POLR3D: variants seen among roughly 807,000 people sequenced by gnomAD.
POLR3D encodes the protein RNA polymerase III subunit D.
A neutral mutation model predicts 44.5 loss-of-function variants in POLR3D; 42 were observed. That is an observed-to-expected ratio of 0.94 (90% CI 0.74 to 1.22). The LOEUF is 1.22. POLR3D is among the 50% of genes most tolerant of loss of function. The probability of loss-of-function intolerance (pLI) is 0.00; values close to 1 mark genes in which losing one functional copy is unlikely to be tolerated. For missense variants in POLR3D, 507 were observed against 505.2 expected (o/e 1.00, Z -0.03); for synonymous variants, 217 against 198.1 (o/e 1.10, Z -0.80).
At chr8:22,248,385 G>T in intron 5 of POLR3D, 96 bp from the exon 6 acceptor site, 1 of 1,571,446 alleles carries the variant, frequency 6.4e-7, no homozygotes, top group South Asian at 1.2e-5. Context: ...TGGAATCCTG[G>T]GGAGCAGCGG....
chr8:22,249,941 C>T, intron 7 of POLR3D, 134 bp from the exon 8 acceptor site: 1 of 868,270 alleles, frequency 1.2e-6, no homozygotes, highest in Non-Finnish European at 1.8e-6. Flanking sequence ...AGCAGACAGC[C>T]CTAGGAGAAG....
intron 7 of POLR3D, 113 bp from the exon 8 acceptor site, chr8:22,249,962 G>A (rs1378509971): frequency 1.7e-6 from 2 of 1,177,418 alleles, no homozygotes; most frequent in South Asian, 1.4e-5. Flanking sequence ...GCACTCTTTG[G>A]GGAGCTCATT....
At chr8:22,249,969 C>G in intron 7 of POLR3D, 106 bp from the exon 8 acceptor site, 2 of 1,287,016 alleles carry the variant, frequency 1.6e-6, no homozygotes, top group Non-Finnish European at 2.2e-6. Context: ...TTGGGGAGCT[C>G]ATTTTGACCT....
chr8:22,250,045 C>A, intron 7 of POLR3D, 30 bp from the exon 8 acceptor site: 1 of 1,612,566 alleles, frequency 6.2e-7, no homozygotes, highest in Non-Finnish European at 8.5e-7. Context: ...AGCTCCTAGC[C>A]CAGTGTCCAT....
rs1464512563 is a variant in POLR3D, at chr8:22,249,169, A to G, written c.781A>G (p.Thr261Ala). Residue 261 changes from threonine (T) to alanine (A), a missense_variant, in exon 7 of 9, where the codon ACC (threonine) becomes GCC (alanine). Coordinates refer to ENST00000306433, the MANE Select transcript of POLR3D (RefSeq NM_001722.3). Reference protein sequence around the residue: ...VAELLRELSLTKEEELLFLQL... With the variant: ...VAELLRELSLAKEEELLFLQL... ...AGAGCTGCTGAGGGAGCTGAGCCTC[A>G]CCAAGGAAGAGGAACTGCTGTTTCT... 2 of 1,613,890 alleles carry G rather than the reference A, an allele frequency of 1.2e-6. No individual in the cohort carries two copies. Among genetic ancestry groups the G allele is most frequent in the Non-Finnish European group, 1.7e-6 (2 of 1,179,986 alleles).
Position 22,245,628 on chromosome 8 carries a change from C to A in POLR3D, c.165+14C>A, listed in dbSNP as rs761258615. ...GGAGTCAAGAAGGTACCCAACGGCG[C>A]GTTTCTAAAGAAACTCAACTACCTT... On this transcript the variant is annotated intron_variant, in intron 2 of 8. Coordinates refer to ENST00000306433, the MANE Select transcript of POLR3D (RefSeq NM_001722.3). 5.8e-5 allele frequency: 72 copies of A among 1,249,908 alleles called. No individual in the cohort carries two copies. Among genetic ancestry groups the A allele is most frequent in the Non-Finnish European group, 7.0e-5 (69 of 988,744 alleles). 77.4% of individuals were successfully genotyped at this position (1,249,908 alleles called of 1,614,324 possible). A position where few individuals can be genotyped will look rare whatever the true frequency, so the allele number is the denominator to read the frequency against.
At position 22,248,489 on chromosome 8, in the gene POLR3D, T is replaced by C. The variant is rs535845533; in HGVS notation, c.495T>C (p.Asp165=). 69 of 1,614,014 alleles carry C rather than the reference T, an allele frequency of 4.3e-5. No homozygotes were observed. The South Asian group carries it at 6.8e-4, about 16-fold the overall frequency. Residue 165 remains aspartate (D), a synonymous_variant, in exon 6 of 9, where the codon GAT becomes GAC. Coordinates refer to ENST00000306433, the MANE Select transcript of POLR3D (RefSeq NM_001722.3). ...LRMLEKDDFL[D]DPGLRNDTRN... ...CAGACTCTCTTTGGCAGTTCCTCGA[T>C]GACCCCGGCCTGAGGAACGACACTC...
rs1019572443 is a variant in POLR3D at position 22,252,279 on chromosome 8, G to A, written c.*1761G>A. ...CTAAGGCTAAGCTTTGGTTAACTCTGGGCTCCAGCCCTTTCTTCCTTTAAA... is the reference window on the plus strand; with the variant it reads ...CTAAGGCTAAGCTTTGGTTAACTCTAGGCTCCAGCCCTTTCTTCCTTTAAA... On this transcript the variant is annotated 3_prime_UTR_variant, in exon 9 of 9. Coordinates refer to ENST00000306433, the MANE Select transcript of POLR3D (RefSeq NM_001722.3). The A allele has an allele frequency of 1.3e-5, 2 of 153,744 alleles. No individual in the cohort carries two copies. The highest frequency in any genetic ancestry group is 2.9e-5 in the Non-Finnish European group (2 of 68,062). The allele number at this position is 153,744 out of a possible 1,614,324, so 9.5% of individuals were successfully genotyped here. A position where few individuals can be genotyped will look rare whatever the true frequency, so the allele number is the denominator to read the frequency against.
chr8:22,247,234 C>G lies in POLR3D; in HGVS notation c.179C>G (p.Pro60Arg). 1 of 1,613,332 alleles carries G rather than the reference C, an allele frequency of 6.2e-7. No individual in the cohort carries two copies. Among genetic ancestry groups the G allele is most frequent in the Non-Finnish European group, 8.5e-7 (1 of 1,179,382 alleles). The stretch of plus-strand genomic sequence containing the variant: ...TTTTGCTTTCAGAAAACCTTCACCC[C>G]AAATATCATCAGTCGGAAGATCAAG... ...LGGVKKKTFT[P>R]NIISRKIKEE... Residue 60 changes from proline (P) to arginine (R), a missense_variant, in exon 3 of 9, where the codon CCA becomes CGA. Pro to Arg is a moderately radical substitution (Grantham distance 103). Transcript: ENST00000306433.
At chr8:22,245,363 G>A (rs1830027634) in intron 1 of POLR3D, 82 bp from the exon 2 acceptor site, 1 of 1,071,240 alleles carries the variant, frequency 9.3e-7, no homozygotes, top group Non-Finnish European at 1.2e-6. Flanking sequence ...CCGACTGGGG[G>A]ACCGGAAAGC....
At chr8:22,250,298 T>C (rs1586509029) in intron 8 of POLR3D, 71 bp downstream of exon 8, 1 of 1,609,550 alleles carries the variant, frequency 6.2e-7, no homozygotes, top group East Asian at 2.2e-5. Flanking sequence ...CACTGCTAAA[T>C]AAGGGAGGGG....
rs1375345829 is a variant in POLR3D, at chr8:22,248,996, T to C, written c.656-48T>C. The C allele has an allele frequency of 4.4e-6, 7 of 1,600,636 alleles. No individual in the cohort carries two copies. In the South Asian group the frequency reaches 7.8e-5, roughly 18 times the overall value. ...CAAAGGGCTGGTAACAGTGAGCTGG[T>C]ATGGAGGGTGGTCACTTGATAGCAT... is the stretch of plus-strand genomic sequence containing the variant. On this transcript the variant is annotated intron_variant, in intron 6 of 8. Transcript: ENST00000306433.
At chr8:22,248,054 A>C (rs765413236) in intron 4 of POLR3D, 46 bp downstream of exon 4, 14 of 1,607,836 alleles carry the variant, frequency 8.7e-6, no homozygotes, top group Middle Eastern at 3.3e-4. Flanking sequence ...TGCCCCAGAG[A>C]AGGGCGAGAA....
intron 3 of POLR3D, 145 bp downstream of exon 3, chr8:22,247,409 T>C: frequency 1.7e-6 from 1 of 605,680 alleles, no homozygotes; most frequent in Admixed American, 2.9e-5. Flanking sequence ...CCCTGGCTCC[T>C]AGGTGATTCT....
chr8:22,245,444 G>A lies in POLR3D; in HGVS notation c.-5-1G>A. On this transcript the variant is annotated splice_acceptor_variant, in intron 1 of 8. Transcript: ENST00000306433. LOFTEE classifies it low-confidence loss of function (5UTR_SPLICE). Reference sequence around the variant, plus strand: ...TGATCTCGTCGCCCCTTCTCTCCCAGGCAACATGTCGGAAGGAAACGCCGC... The same window carrying A: ...TGATCTCGTCGCCCCTTCTCTCCCAAGCAACATGTCGGAAGGAAACGCCGC... 7.6e-7 allele frequency: 1 copy of A among 1,310,046 alleles called. No homozygotes were observed. The highest frequency in any genetic ancestry group is 9.8e-7 in the Non-Finnish European group (1 of 1,021,742). 81.2% of individuals were successfully genotyped at this position (1,310,046 alleles called of 1,614,324 possible). A position where few individuals can be genotyped will look rare whatever the true frequency, so the allele number is the denominator to read the frequency against.
At position 22,245,627 on chromosome 8, in the gene POLR3D, G is replaced by C; in HGVS notation, c.165+13G>C. 1 of 1,250,622 alleles carries C rather than the reference G, an allele frequency of 8.0e-7. No individual in the cohort carries two copies. Among genetic ancestry groups the C allele is most frequent in the Non-Finnish European group, 1.0e-6 (1 of 989,208 alleles). 77.5% of individuals were successfully genotyped at this position (1,250,622 alleles called of 1,614,324 possible). A position where few individuals can be genotyped will look rare whatever the true frequency, so the allele number is the denominator to read the frequency against. On this transcript the variant is annotated intron_variant, in intron 2 of 8. Coordinates refer to ENST00000306433, the MANE Select transcript of POLR3D (RefSeq NM_001722.3). ...GGGAGTCAAGAAGGTACCCAACGGC[G>C]CGTTTCTAAAGAAACTCAACTACCT...
Position 22,250,510 on chromosome 8 carries a change from C to T in POLR3D, c.1189C>T (p.His397Tyr). The change falls in exon 9 of 9, where the codon CAC becomes TAC. Residue 397 changes from histidine to tyrosine, a missense_variant. His to Tyr is a moderately conservative substitution (Grantham distance 83, BLOSUM62 2). Coordinates refer to ENST00000306433, the MANE Select transcript of POLR3D (RefSeq NM_001722.3). ...TTTTGAATCCCTCTTGGATCACAAA[C>T]ACCGGTAAAATGAGCAGGTGGAGGA... ...PDFESLLDHK[H>Y]R The T allele has an allele frequency of 6.2e-7, 1 of 1,614,176 alleles. No homozygotes were observed. Among genetic ancestry groups the T allele is most frequent in the Non-Finnish European group, 8.5e-7 (1 of 1,180,024 alleles).
Position 22,245,677 on chromosome 8 carries a change from C to G in POLR3D, c.165+63C>G, listed in dbSNP as rs1038582162. 67 of 1,149,112 alleles carry G rather than the reference C, an allele frequency of 5.8e-5. No individual in the cohort carries two copies. In the African/African-American group the frequency reaches 9.6e-4, roughly 17 times the overall value. The allele number at this position is 1,149,112 out of a possible 1,614,324, so 71.2% of individuals were successfully genotyped here. On this transcript the variant is annotated intron_variant, in intron 2 of 8. Transcript: ENST00000306433. The stretch of plus-strand genomic sequence containing the variant: ...TTGAATTCCAAGCCCCAGGATTCAA[C>G]TAATGTTTGTGTAGGACCTACTGTG...
rs1830097428 is a variant in POLR3D, at chr8:22,250,628, C to G, written c.*110C>G. On this transcript the variant is annotated 3_prime_UTR_variant, in exon 9 of 9. Transcript: ENST00000306433. ...AAGGGGCCCACTGAGCCCACTCACTCCAGCCTTTGGCAACCATTGTTCCAG... is the reference window on the plus strand; with the variant it reads ...AAGGGGCCCACTGAGCCCACTCACTGCAGCCTTTGGCAACCATTGTTCCAG... 2 of 1,378,138 alleles carry G rather than the reference C, an allele frequency of 1.5e-6. No homozygotes were observed. The highest frequency in any genetic ancestry group is 3.6e-5 in the Admixed American group (2 of 55,898). The allele number at this position is 1,378,138 out of a possible 1,614,324, so 85.4% of individuals were successfully genotyped here. A position where few individuals can be genotyped will look rare whatever the true frequency, so the allele number is the denominator to read the frequency against.
Sources: allele counts gnomAD v4.1 joint callset, GRCh38; gene constraint gnomAD v4.1.1; transcripts MANE v1.5; gene names NCBI Gene and HGNC (gene_info 2026-07-23, HGNC 2026-07-21).